HDAC4: variants seen among roughly 807,000 people sequenced by gnomAD.
HDAC4 encodes histone deacetylase 4.
Under a neutral mutation model 135.1 loss-of-function variants are expected in HDAC4, and 16 were observed. The ratio of observed to expected loss-of-function variants is 0.12; its 90% CI spans 0.08 to 0.18. HDAC4 has a LOEUF of 0.18. Ranked by LOEUF, HDAC4 falls within the 10% of genes least tolerant of loss-of-function variation. The probability of loss-of-function intolerance (pLI) is 1.00; values close to 1 mark genes in which losing one functional copy is unlikely to be tolerated. For missense variants in HDAC4, 1,143 were observed against 1,511.8 expected (o/e 0.76, Z 4.05); for synonymous variants, 685 against 653.4 (o/e 1.05, Z -0.74).
chr2:239,230,089 T>C (rs1423225884), intron 3 of HDAC4, among the ~76,000 whole-genome samples: 1 of 152,132 alleles, frequency 6.6e-6, no homozygotes, highest in African/African-American at 2.4e-5. Flanking sequence ...GTGTCTGTTT[T>C]ATCAGTCGTG....
intron 1 of HDAC4, among the ~76,000 whole-genome samples, chr2:239,360,790 C>A (rs890751719): frequency 6.6e-6 from 1 of 152,240 alleles, no homozygotes. Flanking sequence ...TGTTCTCTCA[C>A]CCTGGACCAG....
At chr2:239,105,250 T>C (rs1171980950) in intron 15 of HDAC4, among the ~76,000 whole-genome samples, 2 of 152,246 alleles carry the variant, frequency 1.3e-5, no homozygotes, top group Non-Finnish European at 2.9e-5. Flanking sequence ...CCCTGGTCTC[T>C]GTGGCATCTG....
chr2:239,066,705 C>G lies in HDAC4; in HGVS notation c.3003+17G>C. 6.2e-7 allele frequency: 1 copy of G among 1,613,428 alleles called. No homozygotes were observed. Among genetic ancestry groups the G allele is most frequent in the Non-Finnish European group, 8.5e-7 (1 of 1,180,014 alleles). On this transcript the variant is annotated intron_variant, in intron 24 of 26. Transcript: ENST00000543185. ...GTCAGTGTGGAGCATCCTGTGGGGT[C>G]TCTGGGGTCTTCCTACCTCGTTTCC...
intron 4 of HDAC4, 58 bp from the exon 5 acceptor site, chr2:239,176,621 A>C (rs2043794051): frequency 6.4e-7 from 1 of 1,557,634 alleles, no homozygotes; most frequent in Admixed American, 1.7e-5. Flanking sequence ...ACACACAGAG[A>C]CCCAATGAAG....
intron 18 of HDAC4, among the ~76,000 whole-genome samples, chr2:239,088,082 C>T (rs762866126): frequency 1.8e-4 from 27 of 152,208 alleles, no homozygotes; most frequent in Non-Finnish European, 2.6e-4. Flanking sequence ...CACGTGACTG[C>T]CTCTGTCCTT....
rs1189278129 is a variant in HDAC4 at position 239,308,567 on chromosome 2, G to A, written c.22+44111C>T. On this transcript the variant is annotated intron_variant, in intron 2 of 26. Transcript: ENST00000543185. The surrounding 1 kb of genome is among the most constrained non-coding windows in gnomAD (Gnocchi z 4.2). ...CCATCCACAGCCAGATACTGCTTCC[G>A]GAACCACACTTCGTATCCAGGTGAG... Among the ~76,000 whole-genome samples, 3 of 152,156 alleles carry A rather than the reference G, an allele frequency of 2.0e-5. No homozygotes were observed. Among genetic ancestry groups the A allele is most frequent in the African/African-American group, 4.8e-5 (2 of 41,436 alleles).
intron 2 of HDAC4, among the ~76,000 whole-genome samples, chr2:239,239,004 G>A (rs188520226): frequency 6.6e-6 from 1 of 152,290 alleles, no homozygotes; most frequent in African/African-American, 2.4e-5. Context: ...GATTCCCTGC[G>A]TAAACCAGAC....
At chr2:239,062,022 T>C (rs548352090) in intron 24 of HDAC4, among the ~76,000 whole-genome samples, 1 of 152,192 alleles carries the variant, frequency 6.6e-6, no homozygotes, top group African/African-American at 2.4e-5. Flanking sequence ...TGGTGCAGGG[T>C]CTTTGATGGA....
intron 11 of HDAC4, among the ~76,000 whole-genome samples, chr2:239,131,770 A>C (rs1575137681): frequency 6.6e-6 from 1 of 152,250 alleles, no homozygotes; most frequent in Admixed American, 6.5e-5. Context: ...CATTCAGGGG[A>C]CAGCCGTGGG....
rs546740653 is a variant in HDAC4 at position 239,139,443 on chromosome 2, G to A, written c.978+241C>T. On this transcript the variant is annotated intron_variant, in intron 9 of 26. Transcript: ENST00000543185. This position sits in a 1 kb window ranked among gnomAD's most constrained non-coding sequence, Gnocchi z 5.3. Reference sequence around the variant, plus strand: ...GGTCAGGAGAAAGGACCAGGCTCAGGGCTGTCCCCGACGTGCCTGGAACTA... The same window carrying A: ...GGTCAGGAGAAAGGACCAGGCTCAGAGCTGTCCCCGACGTGCCTGGAACTA... Among the ~76,000 whole-genome samples, 1 of 152,120 alleles carries A rather than the reference G, an allele frequency of 6.6e-6. No individual in the cohort carries two copies. Among genetic ancestry groups the A allele is most frequent in the Non-Finnish European group, 1.5e-5 (1 of 68,036 alleles).
At chr2:239,298,246 T>C in intron 2 of HDAC4, 1 of 1,288,226 alleles carries the variant, frequency 7.8e-7, no homozygotes, top group Non-Finnish European at 1.0e-6. Context: ...TAAGATCAAA[T>C]CCAGGCTTGA....
At position 239,090,126 on chromosome 2, in the gene HDAC4, C is replaced by T. The variant is rs1427213766; in HGVS notation, c.2281-10G>A. On this transcript the variant is annotated splice_polypyrimidine_tract_variant and intron_variant, in intron 17 of 26. Transcript: ENST00000543185. ...TGGTGTCACTGTCCACCTGTGGAAACAACACCCCACAGTGAGGTCACCCTC... is the reference window on the plus strand; with the variant it reads ...TGGTGTCACTGTCCACCTGTGGAAATAACACCCCACAGTGAGGTCACCCTC... The T allele has an allele frequency of 6.3e-7, 1 of 1,593,632 alleles. No individual in the cohort carries two copies. The highest frequency in any genetic ancestry group is 8.6e-7 in the Non-Finnish European group (1 of 1,161,822).
intron 22 of HDAC4, among the ~76,000 whole-genome samples, chr2:239,076,826 A>T (rs369446630): frequency 6.6e-6 from 1 of 152,148 alleles, no homozygotes; most frequent in East Asian, 1.9e-4. Context: ...CTGAAGCAAA[A>T]GCGTCCCCAC....
At chr2:239,397,515 TGA>T (rs1479372977) in intron 1 of HDAC4, among the ~76,000 whole-genome samples, 4 of 151,794 alleles carry the variant, frequency 2.6e-5, no homozygotes, top group African/African-American at 9.7e-5. Context: ...TTCCAGGAAG[TGA>T]GTAGGAGGTG....
rs925411961 is a variant in HDAC4 at position 239,176,490 on chromosome 2, C to A, written c.413G>T (p.Arg138Leu). ...CTGCTTCTCCAGCTCCTGCTCCTGG[C>A]GGTGCCTCTCCAGCTTCCGCTGGTG... ...LEHQRKLERH[R>L]QEQELEKQHR... is the part of the protein sequence containing the mutation. Residue 138 changes from arginine (R) to leucine (L), a missense_variant, in exon 5 of 27, where the codon CGC becomes CTC. Physicochemically the swap from Arg to Leu is moderately radical, Grantham distance 102. Coordinates refer to ENST00000543185, the MANE Select transcript of HDAC4 (RefSeq NM_001378414.1). The A allele has an allele frequency of 6.2e-7, 1 of 1,613,496 alleles. No homozygotes were observed. The highest frequency in any genetic ancestry group is 8.5e-7 in the Non-Finnish European group (1 of 1,179,826).
chr2:239,073,369 C>T (rs925305812), intron 22 of HDAC4, among the ~76,000 whole-genome samples: 3 of 152,220 alleles, frequency 2.0e-5, no homozygotes, highest in Non-Finnish European at 2.9e-5. Context: ...ACAGGGGCAG[C>T]GAGCTTCCTG....
chr2:239,244,077 A>G (rs1364374352), intron 2 of HDAC4, among the ~76,000 whole-genome samples: 1 of 152,142 alleles, frequency 6.6e-6, no homozygotes, highest in Non-Finnish European at 1.5e-5. Context: ...GACTCCAGGG[A>G]CTGAGCTGCG....
intron 3 of HDAC4, among the ~76,000 whole-genome samples, chr2:239,218,309 C>T (rs1401798636): frequency 2.6e-5 from 4 of 151,950 alleles, no homozygotes; most frequent in African/African-American, 9.7e-5. Flanking sequence ...TCAGAAATAA[C>T]ACCGCATATC....
intron 2 of HDAC4, among the ~76,000 whole-genome samples, chr2:239,297,467 C>T (rs76447679): frequency 8.6e-4 from 131 of 152,334 alleles, no homozygotes; most frequent in African/African-American, 3.1e-3. Flanking sequence ...AGGGTTGAGA[C>T]GGGGTTGCAG....
Sources: allele counts gnomAD v4.1 joint callset (sites outside exome capture counted in the v4.1 genomes callset), GRCh38; gene constraint gnomAD v4.1.1; non-coding constraint Gnocchi (gnomAD v3.1); transcripts MANE v1.5; gene names NCBI Gene and HGNC (gene_info 2026-07-23, HGNC 2026-07-21).